CDK19: variants seen among roughly 807,000 people sequenced by gnomAD.
The protein encoded by CDK19 is cyclin-dependent kinase 19.
Under a neutral mutation model 68.3 loss-of-function variants are expected in CDK19, and 20 were observed. The ratio of observed to expected loss-of-function variants is 0.29; its 90% CI spans 0.21 to 0.43. The LOEUF is 0.43. Ranked by LOEUF, CDK19 falls within the 20% of genes least tolerant of loss-of-function variation. The pLI is 1.00. For synonymous variants in CDK19, 221 were observed against 222.8 expected (o/e 0.99, Z 0.07); for missense variants, 339 against 623.5 (o/e 0.54, Z 4.86).
intron 1 of CDK19, among the ~76,000 whole-genome samples, chr6:110,782,793 T>C (rs747218906): frequency 3.3e-5 from 5 of 152,160 alleles, no homozygotes; most frequent in Admixed American, 2.6e-4. Flanking sequence ...GCACACATTA[T>C]CATGCTCTCC....
intron 1 of CDK19, among the ~76,000 whole-genome samples, chr6:110,756,166 C>T (rs1412460536): frequency 6.6e-6 from 1 of 151,600 alleles, no homozygotes; most frequent in Non-Finnish European, 1.5e-5. Flanking sequence ...GAGGCAGGCA[C>T]ATCACCTGAG....
chr6:110,725,617 G>A (rs902364791), intron 2 of CDK19, among the ~76,000 whole-genome samples: 8 of 152,206 alleles, frequency 5.3e-5, no homozygotes, highest in Non-Finnish European at 8.8e-5. Context: ...AGCCTAATTG[G>A]CTGAGAAATC....
chr6:110,759,428 A>AATATATATATATATATAT (rs34490988), intron 1 of CDK19, among the ~76,000 whole-genome samples: 1 of 50,912 alleles, frequency 2.0e-5, no homozygotes, highest in African/African-American at 8.7e-5. Flanking sequence ...AAAAAAAAAA[A>AATATATATATATATATAT]ATATATATAT....
chr6:110,765,411 G>C (rs753300531), intron 1 of CDK19, among the ~76,000 whole-genome samples: 16 of 151,880 alleles, frequency 1.1e-4, no homozygotes, highest in Non-Finnish European at 2.1e-4. Context: ...AGACGCGGTG[G>C]CTCACGCCTG....
At chr6:110,670,580 G>T (rs1235705249) in intron 2 of CDK19, 39 bp from the exon 3 acceptor site, 2 of 1,154,996 alleles carry the variant, frequency 1.7e-6, no homozygotes, top group Middle Eastern at 1.9e-4. Flanking sequence ...TGTTGTGTTA[G>T]CAAGGAGGGG....
At chr6:110,672,221 T>G (rs1006850506) in intron 2 of CDK19, among the ~76,000 whole-genome samples, 4 of 152,204 alleles carry the variant, frequency 2.6e-5, no homozygotes, top group African/African-American at 7.2e-5. Context: ...GTAGAGAGTT[T>G]GCCTTTATTA....
intron 8 of CDK19, among the ~76,000 whole-genome samples, chr6:110,626,051 C>T (rs925113721): frequency 2.0e-5 from 3 of 152,174 alleles, no homozygotes; most frequent in Non-Finnish European, 4.4e-5. Context: ...CGTGTTCTTC[C>T]TTCTGCCAGC....
chr6:110,716,806 A>T (rs1775439143), intron 2 of CDK19, among the ~76,000 whole-genome samples: 1 of 152,212 alleles, frequency 6.6e-6, no homozygotes, highest in Admixed American at 6.6e-5. Flanking sequence ...ATATTGGTCC[A>T]GTGATCCAGT....
At chr6:110,814,509 T>C in intron 1 of CDK19, 2 of 438,442 alleles carry the variant, frequency 4.6e-6, no homozygotes, top group South Asian at 3.3e-5. Flanking sequence ...GTCAGAGCCG[T>C]GGGGCTGGCG....
chr6:110,715,462 T>C (rs1775313213), intron 2 of CDK19, among the ~76,000 whole-genome samples: 2 of 152,154 alleles, frequency 1.3e-5, no homozygotes, highest in Admixed American at 6.5e-5. Context: ...CTAACTACTC[T>C]GTCATTCATT....
At chr6:110,744,149 G>A (rs1289545691) in intron 2 of CDK19, among the ~76,000 whole-genome samples, 1 of 150,818 alleles carries the variant, frequency 6.6e-6, no homozygotes, top group Admixed American at 6.7e-5. Context: ...TGGGACTACA[G>A]GCGCATGCCA....
chr6:110,645,733 C>G (rs1780518335), intron 4 of CDK19: 2 of 484,126 alleles, frequency 4.1e-6, no homozygotes, highest in African/African-American at 4.0e-5. Context: ...AGAGTCCCTA[C>G]AGGTGGTGTC....
chr6:110,682,924 C>A (rs1772139729), intron 2 of CDK19, among the ~76,000 whole-genome samples: 1 of 152,036 alleles, frequency 6.6e-6, no homozygotes, highest in East Asian at 1.9e-4. Flanking sequence ...ACCTCTAATC[C>A]TGGCACTCTG....
chr6:110,785,246 G>A (rs894814545), intron 1 of CDK19, among the ~76,000 whole-genome samples: 2 of 151,946 alleles, frequency 1.3e-5, no homozygotes, highest in Non-Finnish European at 2.9e-5. Context: ...AGAGATCATT[G>A]CTTGCTCCAC....
At chr6:110,737,937 T>C (rs1248908605) in intron 2 of CDK19, among the ~76,000 whole-genome samples, 1 of 152,186 alleles carries the variant, frequency 6.6e-6, no homozygotes, top group Non-Finnish European at 1.5e-5. Flanking sequence ...GAACAGATCT[T>C]GCTCAAGGGA....
chr6:110,629,973 T>C (rs1010177859), intron 6 of CDK19, among the ~76,000 whole-genome samples: 2 of 152,218 alleles, frequency 1.3e-5, no homozygotes, highest in Non-Finnish European at 2.9e-5. Context: ...TAATTGGTTT[T>C]CAACTCATAT....
At chr6:110,767,499 C>G (rs1022894134) in intron 1 of CDK19, among the ~76,000 whole-genome samples, 4 of 150,274 alleles carry the variant, frequency 2.7e-5, no homozygotes, top group African/African-American at 7.3e-5. Flanking sequence ...GGACTACAGG[C>G]ATACGTCACC....
At chr6:110,781,731 C>T (rs1021185186) in intron 1 of CDK19, among the ~76,000 whole-genome samples, 4 of 151,880 alleles carry the variant, frequency 2.6e-5, no homozygotes, top group Admixed American at 2.6e-4. Flanking sequence ...GTAGTCCCAC[C>T]TACTCAGGAG....
At chr6:110,782,941 T>A (rs1780927507) in intron 1 of CDK19, among the ~76,000 whole-genome samples, 1 of 152,202 alleles carries the variant, frequency 6.6e-6, no homozygotes, top group Non-Finnish European at 1.5e-5. Context: ...CTTGAGTCTG[T>A]TCCATATAAG....
Sources: gnomAD v4.1 joint callset for allele counts (sites outside exome capture counted in the v4.1 genomes callset) on GRCh38, gnomAD v4.1.1 for gene constraint, MANE v1.5 for transcripts, NCBI Gene and HGNC (gene_info 2026-07-23, HGNC 2026-07-21) for gene names.